The following KCNJ3 variants were observed in gnomAD, a reference collection of about 807,000 sequenced individuals.
KCNJ3 encodes G protein-activated inward rectifier potassium channel 1.
A neutral mutation model predicts 39.2 loss-of-function variants in KCNJ3; 4 were observed. The observed-to-expected ratio is 0.10, with a 90% confidence interval of 0.05 to 0.23. The LOEUF (loss-of-function observed/expected upper bound fraction) is 0.23, where lower values mean the gene tolerates loss of function less well. Ranked by LOEUF, KCNJ3 falls within the 10% of genes least tolerant of loss-of-function variation. The pLI is 1.00. For missense variants in KCNJ3, 276 were observed against 634.9 expected, an observed-to-expected ratio of 0.43 and a Z score of 6.08; for synonymous variants, 230 against 237.4, an observed-to-expected ratio of 0.97 and a Z score of 0.29.
rs527561436 is a variant in KCNJ3, at chr2:154,782,416, T to C, written c.920-72311T>C. Among the ~76,000 whole-genome samples, 3 of 152,202 alleles carry C rather than the reference T, an allele frequency of 2.0e-5. No homozygotes were observed. The South Asian group carries it at 6.2e-4, about 31-fold the overall frequency. On this transcript the variant is annotated intron_variant, in intron 2 of 2. Coordinates refer to ENST00000295101, the MANE Select transcript of KCNJ3 (RefSeq NM_002239.4). ...GCTAACTAAATGTTAGCTTTAATTA[T>C]TTACTTAAGCAACACATGATATTGA...
rs761162760 is a variant in KCNJ3 at position 154,854,941 on chromosome 2, C to T, written c.1134C>T (p.Asn378=). The part of the protein sequence containing the change: ...SSPLIAPAIT[N]SKERHNSVEC... ...CTTTAATAGCACCAGCCATAACTAA[C>T]AGCAAAGAAAGACATAATTCTGTGG... The change falls in exon 3 of 3, where the codon AAC becomes AAT. Residue 378 remains asparagine (N), a synonymous_variant. Transcript: ENST00000295101. 1.9e-6 allele frequency: 3 copies of T among 1,613,926 alleles called. No homozygotes were observed. The highest frequency in any genetic ancestry group is 2.5e-6 in the Non-Finnish European group (3 of 1,179,904).
chr2:154,840,355 C>G (rs904905096), intron 2 of KCNJ3, among the ~76,000 whole-genome samples: 19 of 152,004 alleles, frequency 1.2e-4, no homozygotes, highest in Non-Finnish European at 2.4e-4. Context: ...TTGTAGTATA[C>G]TTTGAAGTCA....
intron 2 of KCNJ3, among the ~76,000 whole-genome samples, chr2:154,745,534 T>G (rs1685725914): frequency 6.6e-6 from 1 of 152,066 alleles, no homozygotes; most frequent in South Asian, 2.1e-4. Flanking sequence ...AAATTTCCAT[T>G]TGCTTCATTT....
chr2:154,815,157 G>C (rs1172939027), intron 2 of KCNJ3, among the ~76,000 whole-genome samples: 1 of 152,068 alleles, frequency 6.6e-6, no homozygotes, highest in Admixed American at 6.6e-5. Context: ...TTCCTTTAAA[G>C]CCATATCTCT....
chr2:154,808,844 G>A (rs1686960859), intron 2 of KCNJ3, among the ~76,000 whole-genome samples: 1 of 152,082 alleles, frequency 6.6e-6, no homozygotes, highest in Non-Finnish European at 1.5e-5. Flanking sequence ...AGGAGGTGGG[G>A]TCATGAATCT....
chr2:154,708,703 A>T (rs187397554), intron 1 of KCNJ3, among the ~76,000 whole-genome samples: 1 of 152,160 alleles, frequency 6.6e-6, no homozygotes, highest in African/African-American at 2.4e-5. Context: ...AAGTAATTTT[A>T]CTCTCATGGT....
intron 2 of KCNJ3, among the ~76,000 whole-genome samples, chr2:154,730,426 C>G (rs537776546): frequency 6.6e-6 from 1 of 152,052 alleles, no homozygotes; most frequent in African/African-American, 2.4e-5. Context: ...AATGAAAAGG[C>G]ATTATTTTAT....
At chr2:154,734,673 T>G (rs1685495783) in intron 2 of KCNJ3, among the ~76,000 whole-genome samples, 1 of 152,126 alleles carries the variant, frequency 6.6e-6, no homozygotes, top group Non-Finnish European at 1.5e-5. Flanking sequence ...TGTCCAGTTT[T>G]GTAAGAAAGA....
In KCNJ3 at chr2:154,724,232, G is replaced by A. The variant is rs552034509; in HGVS notation, c.919+14413G>A. ...CATTAATAAAATACCATGAAGATCTGAGATTACACAGTGTTGTTGTGGGTG... is the reference window on the plus strand; with the variant it reads ...CATTAATAAAATACCATGAAGATCTAAGATTACACAGTGTTGTTGTGGGTG... On this transcript the variant is annotated intron_variant, in intron 2 of 2. Coordinates refer to ENST00000295101, the MANE Select transcript of KCNJ3 (RefSeq NM_002239.4). 1.1e-3 allele frequency among the ~76,000 whole-genome samples: 163 copies of A among 152,204 alleles called. 1 individual carries two copies. Among genetic ancestry groups the A allele is most frequent in the African/African-American group, 3.7e-3 (152 of 41,530 alleles).
intron 2 of KCNJ3, among the ~76,000 whole-genome samples, chr2:154,776,931 A>T (rs962952852): frequency 6.6e-6 from 1 of 152,124 alleles, no homozygotes; most frequent in African/African-American, 2.4e-5. Context: ...CTAGTGTTCT[A>T]TTTTAAAATG....
chr2:154,712,832 G>C (rs754835773), intron 2 of KCNJ3, among the ~76,000 whole-genome samples: 2 of 152,024 alleles, frequency 1.3e-5, no homozygotes, highest in Non-Finnish European at 2.9e-5. Flanking sequence ...AGGGATAAAG[G>C]GTTCCTGTAG....
chr2:154,792,011 A>G (rs894839099), intron 2 of KCNJ3, among the ~76,000 whole-genome samples: 1 of 152,000 alleles, frequency 6.6e-6, no homozygotes, highest in Admixed American at 6.6e-5. Context: ...CTGCTTTTAT[A>G]TTTCTAATCC....
chr2:154,734,510 A>T (rs1685491636), intron 2 of KCNJ3, among the ~76,000 whole-genome samples: 1 of 152,234 alleles, frequency 6.6e-6, no homozygotes, highest in Admixed American at 6.5e-5. Flanking sequence ...AAAACAAAAC[A>T]AACAACAAAG....
chr2:154,766,939 A>T (rs1686146219), intron 2 of KCNJ3, among the ~76,000 whole-genome samples: 1 of 152,144 alleles, frequency 6.6e-6, no homozygotes, highest in Non-Finnish European at 1.5e-5. Context: ...TTATCACTGT[A>T]TCTGCCAGAG....
intron 2 of KCNJ3, among the ~76,000 whole-genome samples, chr2:154,812,376 C>A (rs1687020520): frequency 6.6e-6 from 1 of 152,080 alleles, no homozygotes; most frequent in Non-Finnish European, 1.5e-5. Context: ...ATATATCCAA[C>A]TTTTAGGTGA....
At chr2:154,799,767 T>C (rs568245234) in intron 2 of KCNJ3, among the ~76,000 whole-genome samples, 5 of 152,290 alleles carry the variant, frequency 3.3e-5, no homozygotes, top group South Asian at 4.1e-4. Context: ...ATTCACCCCT[T>C]AATAAATCGA....
At chr2:154,753,037 G>A (rs556369228) in intron 2 of KCNJ3, among the ~76,000 whole-genome samples, 36 of 152,138 alleles carry the variant, frequency 2.4e-4, no homozygotes, top group African/African-American at 8.7e-4. Context: ...TATTTGGTTA[G>A]CATTATTGAC....
intron 2 of KCNJ3, among the ~76,000 whole-genome samples, chr2:154,712,246 T>C (rs1486666846): frequency 6.6e-6 from 1 of 152,180 alleles, no homozygotes. Context: ...ATTTGATCAT[T>C]TAAAATTTTA....
chr2:154,853,105 G>A (rs1254151739), intron 2 of KCNJ3, among the ~76,000 whole-genome samples: 1 of 146,438 alleles, frequency 6.8e-6, no homozygotes, highest in African/African-American at 2.5e-5. Flanking sequence ...ATAGATGCAA[G>A]AATATCTTCT....
Sources: allele counts gnomAD v4.1 joint callset (sites outside exome capture counted in the v4.1 genomes callset), GRCh38; gene constraint gnomAD v4.1.1; transcripts MANE v1.5; gene names NCBI Gene and HGNC (gene_info 2026-07-23, HGNC 2026-07-21).